Variants in DCAF8L2 observed in about 807,000 individuals in gnomAD.
DCAF8L2 encodes DDB1- and CUL4-associated factor 8-like protein 2.
For synonymous variants in DCAF8L2, 200 were observed against 190.9 expected, an observed-to-expected ratio of 1.05 and a Z score of -0.39; for missense variants, 430 against 490.7, an observed-to-expected ratio of 0.88 and a Z score of 1.17.
the DCAF8L2 span, among the ~76,000 whole-genome samples, chrX:27,472,025 G>T: frequency 9.0e-6 from 1 of 111,599 alleles, no homozygotes; most frequent in Non-Finnish European, 1.9e-5. Flanking sequence ...GGATAAGGAG[G>T]TTAACAAACT....
chrX:27,532,750 T>G, the DCAF8L2 span, among the ~76,000 whole-genome samples: 2 of 102,958 alleles, frequency 1.9e-5, no homozygotes, highest in Non-Finnish European at 3.9e-5. Flanking sequence ...ATTTATTTAT[T>G]TATTTATTTA....
chrX:27,608,191 A>G (rs1265279154), intron 1 of DCAF8L2, among the ~76,000 whole-genome samples: 1 of 111,604 alleles, frequency 9.0e-6, no homozygotes, highest in Non-Finnish European at 1.9e-5. Flanking sequence ...AAGCAATTCT[A>G]ATTTACTTTT....
rs1927068604 is a variant in DCAF8L2 at position 27,609,645 on chromosome X, C to G, written c.-342+19205C>G. Reference sequence around the variant, plus strand: ...GGTCACTGGATTCCCTGCCAAACGCCTCTTGGTTTTAGTGCTAAAGTTTAT... The same window carrying G: ...GGTCACTGGATTCCCTGCCAAACGCGTCTTGGTTTTAGTGCTAAAGTTTAT... On this transcript the variant is annotated intron_variant, in intron 1 of 4. Transcript: ENST00000451261. 4.5e-5 allele frequency among the ~76,000 whole-genome samples: 5 copies of G among 111,163 alleles called. No individual in the cohort carries two copies. In the Admixed American group the frequency reaches 4.8e-4, roughly 11 times the overall value.
At chrX:27,595,228 T>C (rs907420350) in intron 1 of DCAF8L2, among the ~76,000 whole-genome samples, 1 of 111,763 alleles carries the variant, frequency 8.9e-6, no homozygotes, top group Non-Finnish European at 1.9e-5. Context: ...AAAGTTACAA[T>C]GCAATATAGG....
At chrX:27,703,117 C>T (rs1931192969) in intron 3 of DCAF8L2, among the ~76,000 whole-genome samples, 1 of 111,047 alleles carries the variant, frequency 9.0e-6, no homozygotes, top group South Asian at 3.7e-4. Flanking sequence ...TCATATAATT[C>T]TTAGGAATAA....
chrX:27,600,699 T>A (rs899039107), intron 1 of DCAF8L2, among the ~76,000 whole-genome samples: 1 of 111,859 alleles, frequency 8.9e-6, no homozygotes, highest in Non-Finnish European at 1.9e-5. Flanking sequence ...AACCAACAAG[T>A]TGATTTAGCT....
At chrX:27,596,810 T>A (rs1276128821) in intron 1 of DCAF8L2, among the ~76,000 whole-genome samples, 1 of 111,144 alleles carries the variant, frequency 9.0e-6, no homozygotes, top group African/African-American at 3.3e-5. Flanking sequence ...ATTTATCAAT[T>A]GGGATATGTC....
chrX:27,512,804 A>C, the DCAF8L2 span, among the ~76,000 whole-genome samples: 1 of 99,169 alleles, frequency 1.0e-5, no homozygotes, highest in South Asian at 4.9e-4. Flanking sequence ...AAAAAAAAAA[A>C]AAAAAACAAA....
At chrX:27,685,223 G>C (rs1404522316) in intron 3 of DCAF8L2, among the ~76,000 whole-genome samples, 1 of 111,677 alleles carries the variant, frequency 9.0e-6, no homozygotes, top group Non-Finnish European at 1.9e-5. Context: ...AAAAATAATC[G>C]AGGTGGGAAA....
intron 3 of DCAF8L2, among the ~76,000 whole-genome samples, chrX:27,708,036 T>C (rs1057007355): frequency 4.5e-5 from 5 of 111,632 alleles, no homozygotes; most frequent in South Asian, 7.5e-4. Flanking sequence ...AGTTTTGTGA[T>C]GTACATGTGA....
the DCAF8L2 span, chrX:27,518,772 T>A: frequency 3.1e-6 from 1 of 319,471 alleles, no homozygotes; most frequent in East Asian, 6.3e-5. Context: ...AAAATAAATA[T>A]AAGAATAAAA....
the DCAF8L2 span, among the ~76,000 whole-genome samples, chrX:27,523,900 G>C: frequency 2.3e-4 from 25 of 110,921 alleles, no homozygotes; most frequent in Non-Finnish European, 4.7e-4. Flanking sequence ...AGTTTGCTGA[G>C]AATGATGGTT....
At chrX:27,516,528 A>T in the DCAF8L2 span, among the ~76,000 whole-genome samples, 1 of 107,546 alleles carries the variant, frequency 9.3e-6, no homozygotes, top group African/African-American at 3.4e-5. Flanking sequence ...TCTCTCTCTC[A>T]CTCTTCCTCA....
chrX:27,612,335 C>G (rs1164186282), intron 1 of DCAF8L2, among the ~76,000 whole-genome samples: 2 of 111,777 alleles, frequency 1.8e-5, no homozygotes, highest in Non-Finnish European at 3.8e-5. Context: ...TTTGTAGATT[C>G]TGGATATTAG....
intron 4 of DCAF8L2, among the ~76,000 whole-genome samples, chrX:27,739,166 G>C (rs1921712464): frequency 9.0e-6 from 1 of 110,848 alleles, no homozygotes; most frequent in African/African-American, 3.3e-5. Context: ...TCTCTTTGCA[G>C]CAAAACCCTT....
the DCAF8L2 span, among the ~76,000 whole-genome samples, chrX:27,493,361 C>T: frequency 1.2e-3 from 130 of 111,514 alleles, 3 homozygotes; most frequent in Admixed American, 0.012. Context: ...AATGAATATG[C>T]TCAGTTGTGA....
At chrX:27,554,671 C>A in the DCAF8L2 span, among the ~76,000 whole-genome samples, 1 of 111,748 alleles carries the variant, frequency 8.9e-6, no homozygotes. Context: ...AGCATAAAAT[C>A]ATGCATCATT....
chrX:27,675,831 G>T (rs1458821345), intron 2 of DCAF8L2, among the ~76,000 whole-genome samples: 1 of 111,611 alleles, frequency 9.0e-6, no homozygotes, highest in East Asian at 2.8e-4. Context: ...AGCTTCATGG[G>T]ATCATAAGTT....
the DCAF8L2 span, among the ~76,000 whole-genome samples, chrX:27,493,706 CAA>C: frequency 1.1e-4 from 2 of 18,395 alleles, no homozygotes; most frequent in Middle Eastern, 0.02. Context: ...AACTCCATCT[CAA>C]AAAAAAAAAA....
Sources: allele counts gnomAD v4.1 joint callset (sites outside exome capture counted in the v4.1 genomes callset), GRCh38; gene constraint gnomAD v4.1.1; transcripts MANE v1.5; gene names NCBI Gene and HGNC (gene_info 2026-07-23, HGNC 2026-07-21).